Variants in ATAD2B observed in about 807,000 individuals in gnomAD.
ATAD2B encodes ATPase family AAA domain-containing protein 2B.
A neutral mutation model predicts 167.6 loss-of-function variants in ATAD2B; 40 were observed. The observed-to-expected ratio is 0.24, with a 90% confidence interval of 0.19 to 0.31. The LOEUF is 0.31. ATAD2B is among the 10% of genes least tolerant of loss of function. The pLI is 1.00. For missense variants in ATAD2B, 1,242 were observed against 1,757.2 expected, an observed-to-expected ratio of 0.71 and a Z score of 5.24; for synonymous variants, 579 against 596.5, an observed-to-expected ratio of 0.97 and a Z score of 0.43.
chr2:23,882,394 C>T (rs1309246681), intron 6 of ATAD2B, among the ~76,000 whole-genome samples: 1 of 150,224 alleles, frequency 6.7e-6, no homozygotes, highest in East Asian at 2.0e-4. Context: ...CAGGGTTTCA[C>T]TATGTTGGCC....
chr2:23,799,570 C>CAAAAAAAAA (rs763947000), intron 18 of ATAD2B, among the ~76,000 whole-genome samples: 3 of 40,510 alleles, frequency 7.4e-5, no homozygotes, highest in Admixed American at 2.9e-4. Flanking sequence ...GACTCCATCT[C>CAAAAAAAAA]AAAAAAAAAA....
At chr2:23,711,092 T>G in the ATAD2B span, among the ~76,000 whole-genome samples, 1 of 152,114 alleles carries the variant, frequency 6.6e-6, no homozygotes, top group African/African-American at 2.4e-5. Flanking sequence ...TTTATGATTG[T>G]GGGTATGTGA....
At chr2:23,908,016 G>A (rs188249756) in intron 1 of ATAD2B, among the ~76,000 whole-genome samples, 7 of 152,014 alleles carry the variant, frequency 4.6e-5, no homozygotes, top group African/African-American at 1.5e-4. Context: ...TTAAGCGTTA[G>A]ACCTAAAACC....
intron 16 of ATAD2B, 43 bp downstream of exon 16, chr2:23,823,215 T>C: frequency 1.4e-6 from 2 of 1,397,062 alleles, no homozygotes; most frequent in Non-Finnish European, 2.0e-6. Context: ...TTTATTCCTG[T>C]ATTTGTTTCA....
chr2:23,869,133 T>C (rs894680198), intron 9 of ATAD2B, among the ~76,000 whole-genome samples: 2 of 152,156 alleles, frequency 1.3e-5, no homozygotes, highest in African/African-American at 2.4e-5. Flanking sequence ...TATTTACTCC[T>C]CCACTGAAAA....
At chr2:23,895,654 G>A (rs2150360768) in intron 2 of ATAD2B, among the ~76,000 whole-genome samples, 165 bp downstream of exon 2, 1 of 151,848 alleles carries the variant, frequency 6.6e-6, no homozygotes, top group Non-Finnish European at 1.5e-5. Context: ...AACAAATATA[G>A]AAAATAAACT....
chr2:23,765,621 T>C lies in ATAD2B; in HGVS notation c.3141A>G (p.Ile1047Met), dbSNP rs767030072. The change falls in exon 23 of 28, where the codon ATA becomes ATG. Residue 1047 changes from isoleucine (I) to methionine (M), a missense_variant. Ile to Met is a conservative substitution (Grantham distance 10). Transcript: ENST00000238789. ...TCAGGGTACAAGCCCTGTGCCTAAT[T>C]ATTTTATCTGTTAAAAAAGTTGGTA... is the stretch of plus-strand genomic sequence containing the variant. The part of the protein sequence containing the change: ...YNPDKDPGDK[I>M]IRHRACTLKD... 2.1e-6 allele frequency: 3 copies of C among 1,403,484 alleles called. No homozygotes were observed. Among genetic ancestry groups the C allele is most frequent in the South Asian group, 1.8e-5 (1 of 56,238 alleles). The allele number at this position is 1,403,484 out of a possible 1,614,324, so 86.9% of individuals were successfully genotyped here. A position where few individuals can be genotyped will look rare whatever the true frequency, so the allele number is the denominator to read the frequency against.
intron 13 of ATAD2B, among the ~76,000 whole-genome samples, chr2:23,850,997 T>C (rs1265723771): frequency 3.3e-5 from 5 of 152,184 alleles, no homozygotes; most frequent in Non-Finnish European, 5.9e-5. Context: ...TGGTCTTTTC[T>C]ACCATTTAAG....
Position 23,892,192 on chromosome 2 carries a change from C to G in ATAD2B, c.368+3627G>C, listed in dbSNP as rs190800790. Reference sequence around the variant, plus strand: ...TTTTTTCTTTTTCTTGAGACGGAGTCTCGCTCTGTGGCCCAGGCTGGAGTG... The same window carrying G: ...TTTTTTCTTTTTCTTGAGACGGAGTGTCGCTCTGTGGCCCAGGCTGGAGTG... On this transcript the variant is annotated intron_variant, in intron 2 of 27. Coordinates refer to ENST00000238789, the MANE Select transcript of ATAD2B (RefSeq NM_017552.4). Among the ~76,000 whole-genome samples the G allele has an allele frequency of 2.5e-3, 378 of 152,300 alleles. 3 individuals are homozygous for G. Among genetic ancestry groups the G allele is most frequent in the Admixed American group, 6.6e-3 (101 of 15,296 alleles).
chr2:23,925,519 A>C (rs1704609091), intron 1 of ATAD2B, among the ~76,000 whole-genome samples: 1 of 152,234 alleles, frequency 6.6e-6, no homozygotes, highest in Admixed American at 6.5e-5. Flanking sequence ...AGCATTTTAA[A>C]TGAACAGCTT....
Position 23,750,606 on chromosome 2 carries a change from A to G in ATAD2B, c.*1440T>C, listed in dbSNP as rs976282955. ...TTAAAACCCAAACTACATGTGTTGCATATATTGGAAAGACACACCTGCAGC... is the reference window on the plus strand; with the variant it reads ...TTAAAACCCAAACTACATGTGTTGCGTATATTGGAAAGACACACCTGCAGC... On this transcript the variant is annotated 3_prime_UTR_variant, in exon 28 of 28. Transcript: ENST00000238789. The G allele has an allele frequency of 1.3e-5, 2 of 152,246 alleles. No homozygotes were observed. Among genetic ancestry groups the G allele is most frequent in the Admixed American group, 1.3e-4 (2 of 15,270 alleles). 9.4% of individuals were successfully genotyped at this position (152,246 alleles called of 1,614,324 possible). A position where few individuals can be genotyped will look rare whatever the true frequency, so the allele number is the denominator to read the frequency against.
chr2:23,792,987 A>AAAC (rs1682040227), intron 19 of ATAD2B, among the ~76,000 whole-genome samples: 2 of 150,714 alleles, frequency 1.3e-5, no homozygotes, highest in South Asian at 2.1e-4. Flanking sequence ...AAAAAAAAAA[A>AAAC]AAACTTGAGA....
At chr2:23,910,195 T>TTTTG (rs1702079062) in intron 1 of ATAD2B, among the ~76,000 whole-genome samples, 1 of 144,676 alleles carries the variant, frequency 6.9e-6, no homozygotes, top group Admixed American at 7.0e-5. Flanking sequence ...TTTTTTTTTT[T>TTTTG]AGACAAGAGT....
At chr2:23,875,268 A>AGTG (rs1696656267) in intron 8 of ATAD2B, among the ~76,000 whole-genome samples, 2 of 152,010 alleles carry the variant, frequency 1.3e-5, no homozygotes, top group Non-Finnish European at 1.5e-5. Flanking sequence ...TTGAGAGGCC[A>AGTG]AGGCAGGGGG....
At chr2:23,712,449 G>GCCCCCTCATT in the ATAD2B span, among the ~76,000 whole-genome samples, 1 of 152,184 alleles carries the variant, frequency 6.6e-6, no homozygotes, top group Non-Finnish European at 1.5e-5. Flanking sequence ...ACCATCCACT[G>GCCCCCTCATT]CCGCCTCATT....
the ATAD2B span, chr2:23,703,415 G>A: frequency 7.0e-7 from 1 of 1,424,518 alleles, no homozygotes; most frequent in Non-Finnish European, 9.2e-7. Context: ...CAGGGCCAGG[G>A]TCGCATCCCT....
chr2:23,768,813 G>C (rs1421536576), intron 22 of ATAD2B, among the ~76,000 whole-genome samples: 1 of 152,066 alleles, frequency 6.6e-6, no homozygotes. Context: ...ATAATTATTG[G>C]TCCCTATTTT....
chr2:23,696,211 G>C, the ATAD2B span: 1 of 1,495,236 alleles, frequency 6.7e-7, no homozygotes, highest in Non-Finnish European at 9.0e-7. This position sits in a 1 kb window ranked among gnomAD's most constrained non-coding sequence, Gnocchi z 5.5. Context: ...GGCTGAGGAA[G>C]GCCATGGCCC....
intron 22 of ATAD2B, among the ~76,000 whole-genome samples, chr2:23,768,522 T>G (rs1009719917): frequency 2.0e-5 from 3 of 151,542 alleles, no homozygotes; most frequent in Non-Finnish European, 4.4e-5. Flanking sequence ...CAGTGAGCCA[T>G]GTTCACACCA....
Sources: gnomAD v4.1 joint callset for allele counts (sites outside exome capture counted in the v4.1 genomes callset) on GRCh38, gnomAD v4.1.1 for gene constraint, Gnocchi (gnomAD v3.1) non-coding constraint, MANE v1.5 for transcripts, NCBI Gene and HGNC (gene_info 2026-07-23, HGNC 2026-07-21) for gene names.